Variants in RBFOX1 observed in about 807,000 individuals in gnomAD.
RBFOX1 encodes the protein RNA binding fox-1 homolog 1, also known as RNA binding protein fox-1 homolog 1.
A neutral mutation model predicts 57.7 loss-of-function variants in RBFOX1; 8 were observed. That is an observed-to-expected ratio of 0.14 (90% confidence interval 0.08 to 0.25). The LOEUF (loss-of-function observed/expected upper bound fraction) is 0.25. RBFOX1 is among the 10% of genes least tolerant of loss of function. RBFOX1 has a pLI of 1.00. For synonymous variants in RBFOX1, 326 were observed against 222.4 expected (o/e 1.47, Z -4.15); for missense variants, 611 against 548.5 (o/e 1.11, Z -1.14).
At chr16:7,559,601 G>C in intron 5 of RBFOX1, among the ~76,000 whole-genome samples, 1 of 152,152 alleles carries the variant, frequency 6.6e-6, no homozygotes, top group East Asian at 1.9e-4. Flanking sequence ...CCAATCCAAG[G>C]CTTGCACTCT....
At chr16:5,912,843 A>C (rs1395501474) in intron 4 of RBFOX1, among the ~76,000 whole-genome samples, 1 of 152,148 alleles carries the variant, frequency 6.6e-6, no homozygotes, top group Non-Finnish European at 1.5e-5. Context: ...TCTAATGAGG[A>C]AAAGTATAAC....
At chr16:7,163,757 A>G (rs1032047233) in intron 4 of RBFOX1, among the ~76,000 whole-genome samples, 1 of 152,056 alleles carries the variant, frequency 6.6e-6, no homozygotes, top group African/African-American at 2.4e-5. Context: ...CGTGGGTTCA[A>G]GCGAATCTCC....
chr16:5,699,654 G>A (rs551211517), intron 3 of RBFOX1, among the ~76,000 whole-genome samples: 1 of 152,038 alleles, frequency 6.6e-6, no homozygotes, highest in Admixed American at 6.5e-5. Context: ...CTGGGTTGGG[G>A]TGTGCTACTG....
chr16:5,323,783 G>C (rs1468190567), intron 1 of RBFOX1, among the ~76,000 whole-genome samples: 2 of 152,204 alleles, frequency 1.3e-5, no homozygotes, highest in African/African-American at 2.4e-5. Context: ...CTTACTGATA[G>C]TTCTGTGAAC....
intron 5 of RBFOX1, among the ~76,000 whole-genome samples, chr16:7,545,777 G>A (rs1217957971): frequency 2.0e-5 from 3 of 152,058 alleles, no homozygotes; most frequent in East Asian, 1.9e-4. Context: ...GCTAGAAAAC[G>A]TGGTCTTGGG....
chr16:7,602,699 A>G (rs566086445), intron 9 of RBFOX1, among the ~76,000 whole-genome samples: 1 of 152,230 alleles, frequency 6.6e-6, no homozygotes, highest in South Asian at 2.1e-4. Context: ...GTCTGAGTGG[A>G]GGCGATTTTC....
intron 3 of RBFOX1, among the ~76,000 whole-genome samples, chr16:5,724,620 T>A (rs1301476332): frequency 6.6e-6 from 1 of 152,102 alleles, no homozygotes; most frequent in Non-Finnish European, 1.5e-5. Flanking sequence ...CATTCTGGAG[T>A]AAGAATCCTA....
intron 3 of RBFOX1, among the ~76,000 whole-genome samples, chr16:6,671,568 G>C (rs538727606): frequency 6.6e-6 from 1 of 152,160 alleles, no homozygotes; most frequent in Admixed American, 6.5e-5. Context: ...CTGCATCTCA[G>C]ATTCCTCTTC....
At chr16:7,020,359 G>T (rs935265192) in intron 3 of RBFOX1, among the ~76,000 whole-genome samples, 1 of 151,920 alleles carries the variant, frequency 6.6e-6, no homozygotes, top group Non-Finnish European at 1.5e-5. Context: ...CGGAGTAGCT[G>T]GGATTACAGG....
intron 3 of RBFOX1, among the ~76,000 whole-genome samples, chr16:6,829,319 C>T (rs1314130097): frequency 1.3e-5 from 2 of 149,046 alleles, no homozygotes; most frequent in African/African-American, 2.5e-5. Context: ...TACATAAATA[C>T]ATATATAAGG....
At chr16:6,641,140 G>A (rs2098484241) in intron 2 of RBFOX1, among the ~76,000 whole-genome samples, 1 of 152,166 alleles carries the variant, frequency 6.6e-6, no homozygotes, top group Non-Finnish European at 1.5e-5. Flanking sequence ...TAATGAAGGT[G>A]CCTATCAAAG....
chr16:5,792,417 C>G (rs1476053962), intron 3 of RBFOX1, among the ~76,000 whole-genome samples: 20 of 152,226 alleles, frequency 1.3e-4, no homozygotes, highest in Admixed American at 1.3e-3. Flanking sequence ...CAAAAACTTA[C>G]CTACTAATAG....
chr16:6,793,103 A>T (rs750432065), intron 3 of RBFOX1, among the ~76,000 whole-genome samples: 10 of 152,142 alleles, frequency 6.6e-5, no homozygotes, highest in Non-Finnish European at 7.4e-5. Context: ...AGATTGCACA[A>T]AAGTTCATGG....
At chr16:7,319,982 A>T (rs552282824) in intron 4 of RBFOX1, among the ~76,000 whole-genome samples, 16 of 152,226 alleles carry the variant, frequency 1.1e-4, no homozygotes, top group Non-Finnish European at 1.6e-4. Context: ...TAAAAAATTA[A>T]GCAGAACATA....
At chr16:6,903,857 C>G (rs1158671158) in intron 3 of RBFOX1, among the ~76,000 whole-genome samples, 2 of 152,122 alleles carry the variant, frequency 1.3e-5, no homozygotes, top group Non-Finnish European at 2.9e-5. Flanking sequence ...CACGTCATTA[C>G]TTGGAAAGGG....
intron 2 of RBFOX1, among the ~76,000 whole-genome samples, chr16:6,480,325 C>G (rs1009254538): frequency 6.6e-6 from 1 of 152,054 alleles, no homozygotes; most frequent in Non-Finnish European, 1.5e-5. Context: ...AGAGAGTAAA[C>G]ATTTTAGACT....
chr16:7,558,258 G>A (rs1459931005), intron 5 of RBFOX1, among the ~76,000 whole-genome samples: 1 of 152,014 alleles, frequency 6.6e-6, no homozygotes, highest in Admixed American at 6.6e-5. Flanking sequence ...AGAGGCTGAG[G>A]TGGGAGGATC....
At position 7,264,499 on chromosome 16, in the gene RBFOX1, G is replaced by A. The variant is rs1027003339; in HGVS notation, c.27+212401G>A. ...TTTTTCTGTAAGGGCCAAAAGCTAAGTATGTTAGTCTTTGCTGACCACGTA... is the reference window on the plus strand; with the variant it reads ...TTTTTCTGTAAGGGCCAAAAGCTAAATATGTTAGTCTTTGCTGACCACGTA... On this transcript the variant is annotated intron_variant, in intron 4 of 15. Coordinates refer to ENST00000550418, the MANE Select transcript of RBFOX1 (RefSeq NM_018723.4). Among the ~76,000 whole-genome samples the A allele has an allele frequency of 3.3e-5, 5 of 152,292 alleles. No individual in the cohort carries two copies. The South Asian group carries it at 6.2e-4, about 19-fold the overall frequency.
chr16:5,789,459 G>A (rs993570572), intron 3 of RBFOX1, among the ~76,000 whole-genome samples: 1 of 152,092 alleles, frequency 6.6e-6, no homozygotes, highest in African/African-American at 2.4e-5. Flanking sequence ...GAGTGTGCAT[G>A]GGCATGTATG....
Sources: gnomAD v4.1 joint callset for allele counts (sites outside exome capture counted in the v4.1 genomes callset) on GRCh38, gnomAD v4.1.1 for gene constraint, MANE v1.5 for transcripts, NCBI Gene and HGNC (gene_info 2026-07-23, HGNC 2026-07-21) for gene names.